Variants in UBAC2 observed in about 807,000 individuals in gnomAD.
The protein encoded by UBAC2 is UBA domain containing 2.
Under a neutral mutation model 44.0 loss-of-function variants are expected in UBAC2, and 26 were observed. The observed-to-expected ratio is 0.59, with a 90% confidence interval of 0.43 to 0.82. The LOEUF (loss-of-function observed/expected upper bound fraction) is 0.82. UBAC2 is among the 40% of genes least tolerant of loss of function. The pLI is 0.00. For missense variants in UBAC2, 329 were observed against 419.4 expected, an observed-to-expected ratio of 0.78 and a Z score of 1.88; for synonymous variants, 155 against 154.3, an observed-to-expected ratio of 1.00 and a Z score of -0.04.
intron 4 of UBAC2, among the ~76,000 whole-genome samples, chr13:99,312,489 G>C (rs545793581): frequency 6.6e-6 from 1 of 152,292 alleles, no homozygotes; most frequent in African/African-American, 2.4e-5. Flanking sequence ...CCTGTGATGA[G>C]TTCCTTGAGG....
intron 4 of UBAC2, 112 bp from the exon 5 acceptor site, chr13:99,313,984 GA>G: frequency 2.0e-6 from 2 of 1,021,476 alleles, no homozygotes; most frequent in East Asian, 4.9e-5. Context: ...GTATATCTAA[GA>G]CCATGCTTTC....
chr13:99,339,260 A>G (rs910017998), intron 6 of UBAC2, among the ~76,000 whole-genome samples: 1 of 152,156 alleles, frequency 6.6e-6, no homozygotes, highest in African/African-American at 2.4e-5. Context: ...CATCCTTAAG[A>G]TCTTCGCTCA....
intron 1 of UBAC2, among the ~76,000 whole-genome samples, chr13:99,233,899 C>T (rs1234447848): frequency 6.6e-6 from 1 of 152,006 alleles, no homozygotes; most frequent in African/African-American, 2.4e-5. Context: ...GTTTTTGTAA[C>T]CAAATCTGCT....
chr13:99,284,187 T>A (rs780758311), intron 4 of UBAC2, among the ~76,000 whole-genome samples: 1 of 152,226 alleles, frequency 6.6e-6, no homozygotes, highest in Non-Finnish European at 1.5e-5. Context: ...ATTCAAACTT[T>A]GCTGCTAAAA....
At chr13:99,237,371 T>C (rs2043249394) in intron 1 of UBAC2, among the ~76,000 whole-genome samples, 1 of 151,878 alleles carries the variant, frequency 6.6e-6, no homozygotes, top group African/African-American at 2.4e-5. Context: ...CTAGAAGACA[T>C]GTAAGTGAAA....
At chr13:99,255,583 A>G (rs2043537558) in intron 4 of UBAC2, 1 of 1,614,232 alleles carries the variant, frequency 6.2e-7, no homozygotes, top group Non-Finnish European at 8.5e-7. Context: ...GAGAGCTCCA[A>G]GAATCTGGCA....
intron 4 of UBAC2, among the ~76,000 whole-genome samples, chr13:99,268,323 T>A (rs980978073): frequency 2.6e-5 from 4 of 151,926 alleles, no homozygotes; most frequent in Non-Finnish European, 5.9e-5. Flanking sequence ...ATATGAAACA[T>A]AGAAGGAGGC....
At chr13:99,234,396 GC>G in intron 1 of UBAC2, 1 of 242,598 alleles carries the variant, frequency 4.1e-6, no homozygotes, top group South Asian at 3.2e-5. Context: ...CGCCATGTTG[GC>G]CAGGCTGGTC....
At chr13:99,353,424 T>A (rs937117165) in intron 7 of UBAC2, among the ~76,000 whole-genome samples, 1 of 152,242 alleles carries the variant, frequency 6.6e-6, no homozygotes, top group Non-Finnish European at 1.5e-5. Flanking sequence ...ACTGACTCAT[T>A]AAGTGACCTT....
At chr13:99,338,950 T>G (rs969383464) in intron 6 of UBAC2, among the ~76,000 whole-genome samples, 6 of 152,232 alleles carry the variant, frequency 3.9e-5, no homozygotes, top group African/African-American at 1.4e-4. Flanking sequence ...TGTCTGTCCA[T>G]AGAATATTTG....
intron 6 of UBAC2, 53 bp from the exon 7 acceptor site, chr13:99,340,266 AT>A (rs1566510576): frequency 1.2e-5 from 19 of 1,592,522 alleles, no homozygotes; most frequent in Non-Finnish European, 1.6e-5. Context: ...AGTCGTGTAC[AT>A]TTTTTAAAAT....
chr13:99,340,241 G>T, intron 6 of UBAC2, 79 bp from the exon 7 acceptor site: 1 of 1,517,004 alleles, frequency 6.6e-7, no homozygotes, highest in Non-Finnish European at 9.0e-7. Context: ...AGTGTCTGGA[G>T]GCTGCTGATT....
At chr13:99,242,962 G>A (rs979836834) in intron 2 of UBAC2, among the ~76,000 whole-genome samples, 2 of 150,824 alleles carry the variant, frequency 1.3e-5, no homozygotes, top group African/African-American at 4.9e-5. Context: ...TGGCGGCCGG[G>A]AAGAGGCGCT....
At chr13:99,244,371 A>ATATATACACAGATATGCATGTGTG in intron 3 of UBAC2, 144 bp from the exon 4 acceptor site, 1 of 496,432 alleles carries the variant, frequency 2.0e-6, no homozygotes, top group Non-Finnish European at 3.5e-6. Flanking sequence ...AATTTCAAAT[A>ATATATACACAGATATGCATGTGTG]TATATACACA....
intron 4 of UBAC2, among the ~76,000 whole-genome samples, chr13:99,290,021 A>C (rs1184141648): frequency 6.6e-6 from 1 of 152,196 alleles, no homozygotes; most frequent in African/African-American, 2.4e-5. Flanking sequence ...GACCTGGAAC[A>C]TATCTGTTTA....
intron 1 of UBAC2, among the ~76,000 whole-genome samples, chr13:99,208,921 C>G (rs149727242): frequency 6.6e-6 from 1 of 152,298 alleles, no homozygotes; most frequent in African/African-American, 2.4e-5. Context: ...TTTATTTTGG[C>G]CAGTTTATTT....
intron 4 of UBAC2, among the ~76,000 whole-genome samples, chr13:99,284,029 G>A (rs751535635): frequency 1.7e-4 from 26 of 152,108 alleles, no homozygotes; most frequent in Admixed American, 5.2e-4. Context: ...CACCACGCCT[G>A]GCCAATGCCA....
intron 2 of UBAC2, among the ~76,000 whole-genome samples, chr13:99,243,357 A>G (rs935413390): frequency 6.6e-6 from 1 of 151,348 alleles, no homozygotes; most frequent in Non-Finnish European, 1.5e-5. Flanking sequence ...AGCAGTTGCC[A>G]TAAATTACTT....
At chr13:99,251,097 C>T (rs2043453317) in intron 4 of UBAC2, among the ~76,000 whole-genome samples, 1 of 152,024 alleles carries the variant, frequency 6.6e-6, no homozygotes, top group Admixed American at 6.6e-5. Flanking sequence ...TTGTAGAGAT[C>T]TTTTACCTTC....
Sources: allele counts gnomAD v4.1 joint callset (sites outside exome capture counted in the v4.1 genomes callset), GRCh38; gene constraint gnomAD v4.1.1; transcripts MANE v1.5; gene names NCBI Gene and HGNC (gene_info 2026-07-23, HGNC 2026-07-21).